COL20A1: variants seen among roughly 807,000 people sequenced by gnomAD.
COL20A1 encodes the protein collagen type XX alpha 1 chain.
A neutral mutation model predicts 152.9 loss-of-function variants in COL20A1; 164 were observed. The ratio of observed to expected loss-of-function variants is 1.07; its 90% confidence interval spans 0.94 to 1.22. The LOEUF (loss-of-function observed/expected upper bound fraction) is 1.22. COL20A1 is among the 50% of genes most tolerant of loss of function. The pLI, the probability that COL20A1 is intolerant of heterozygous loss-of-function variation, is 0.00. For missense variants in COL20A1, 1,873 were observed against 1,744.8 expected, an observed-to-expected ratio of 1.07 and a Z score of -1.31; for synonymous variants, 864 against 756.0, an observed-to-expected ratio of 1.14 and a Z score of -2.34.
In COL20A1 at chr20:63,331,194, C is replaced by T. The variant is rs6011744; in HGVS notation, c.*478C>T. Reference sequence around the variant, plus strand: ...TGGGCCCGCCTCTCTCTGCGCCTCACGCAGGCAACAGATGGTTCCACTGCT... The same window carrying T: ...TGGGCCCGCCTCTCTCTGCGCCTCATGCAGGCAACAGATGGTTCCACTGCT... On this transcript the variant is annotated 3_prime_UTR_variant, in exon 36 of 36. Transcript: ENST00000358894. 0.04 allele frequency: 6,166 copies of T among 152,448 alleles called. 439 individuals are homozygous for T. The highest frequency in any genetic ancestry group is 0.14 in the African/African-American group (5,793 of 41,560). The allele number at this position is 152,448 out of a possible 1,614,324, so 9.4% of individuals were successfully genotyped here.
rs757283276 is a variant in COL20A1, at chr20:63,314,161, A to G, written c.2448A>G (p.Ala816=). ...GGGTCCTGGTCTCAGCTATCTATGC[A>G]GCAGGCAGGAGTGAGGCTGTGTCTG... The part of the protein sequence containing the change: ...KYRVLVSAIY[A]AGRSEAVSAT... Residue 816 remains alanine (A), a synonymous_variant, in exon 19 of 36, where the codon GCA becomes GCG. Coordinates refer to ENST00000358894, the MANE Select transcript of COL20A1 (RefSeq NM_020882.4). 31 of 1,587,192 alleles carry G rather than the reference A, an allele frequency of 2.0e-5. No individual in the cohort carries two copies. The highest frequency in any genetic ancestry group is 7.2e-5 in the Admixed American group (4 of 55,614).
rs762755647 is a variant in COL20A1 at position 63,328,099 on chromosome 20, C to G, written c.3585C>G (p.Ala1195=). The change falls in exon 33 of 36, where the codon GCC becomes GCG. Residue 1195 remains alanine (A), a synonymous_variant. Coordinates refer to ENST00000358894, the MANE Select transcript of COL20A1 (RefSeq NM_020882.4). Reference sequence around the variant, plus strand: ...TCCAGGGCGAGCCGCAGTCCCTTGCCACCCTCTACCAGCTTGTGAGCCAGG... The same window carrying G: ...TCCAGGGCGAGCCGCAGTCCCTTGCGACCCTCTACCAGCTTGTGAGCCAGG... ...RGEKGEPQSL[A]TLYQLVSQAS... 1 of 1,613,376 alleles carries G rather than the reference C, an allele frequency of 6.2e-7. No individual in the cohort carries two copies. The highest frequency in any genetic ancestry group is 8.5e-7 in the Non-Finnish European group (1 of 1,179,844).
rs561996485 is a variant in COL20A1 at position 63,306,613 on chromosome 20, A to T, written c.496+574A>T. ...CAGCCGGCCCCAGGCGTGGAGAGGT[A>T]GAGCCACACCAGGACAGAAGAGAAG... is the stretch of plus-strand genomic sequence containing the variant. On this transcript the variant is annotated intron_variant, in intron 5 of 35. Coordinates refer to ENST00000358894, the MANE Select transcript of COL20A1 (RefSeq NM_020882.4). The surrounding 1 kb of genome is among the most constrained non-coding windows in gnomAD (Gnocchi z 6.9). 2.0e-5 allele frequency among the ~76,000 whole-genome samples: 3 copies of T among 150,806 alleles called. No individual in the cohort carries two copies. The South Asian group carries it at 6.2e-4, about 31-fold the overall frequency.
rs145279783 is a variant in COL20A1, at chr20:63,320,628, G to A, written c.3153+260G>A. Among the ~76,000 whole-genome samples the A allele has an allele frequency of 1.8e-3, 281 of 152,320 alleles. 3 individuals carry two copies. Among genetic ancestry groups the A allele is most frequent in the African/African-American group, 6.5e-3 (272 of 41,572 alleles). On this transcript the variant is annotated intron_variant, in intron 25 of 35. Coordinates refer to ENST00000358894, the MANE Select transcript of COL20A1 (RefSeq NM_020882.4). ...CCCACCTCTGTGGGCCCAGCCAGGTGCAGATGAGTCAGGAAGGGGCACGTG... is the reference window on the plus strand; with the variant it reads ...CCCACCTCTGTGGGCCCAGCCAGGTACAGATGAGTCAGGAAGGGGCACGTG...
chr20:63,317,165 CAGTTTA>C (rs984290448), intron 21 of COL20A1, among the ~76,000 whole-genome samples: 1 of 152,208 alleles, frequency 6.6e-6, no homozygotes, highest in Non-Finnish European at 1.5e-5. Flanking sequence ...AGCTGCATGA[CAGTTTA>C]AGTTAAAATG....
Position 63,304,558 on chromosome 20 carries a change from C to T in COL20A1, c.194-859C>T, listed in dbSNP as rs112669209. 7.5e-4 allele frequency among the ~76,000 whole-genome samples: 59 copies of T among 78,506 alleles called. 4 individuals are homozygous for T. Among genetic ancestry groups the T allele is most frequent in the Non-Finnish European group, 7.1e-4 (26 of 36,638 alleles). The allele number at this position is 78,506 out of a possible 152,430, so 51.5% of individuals were successfully genotyped here. The stretch of plus-strand genomic sequence containing the variant: ...CTCCCTCCAGGTGTGCAGGTGCTGG[C>T]TCCTCCCTCCCTTCCTCCCTCCAGG... On this transcript the variant is annotated intron_variant, in intron 3 of 35. Coordinates refer to ENST00000358894, the MANE Select transcript of COL20A1 (RefSeq NM_020882.4).
At position 63,313,196 on chromosome 20, in the gene COL20A1, C is replaced by T. The variant is rs377187630; in HGVS notation, c.2156C>T (p.Ala719Val). 6.2e-6 allele frequency: 10 copies of T among 1,612,476 alleles called. No individual in the cohort carries two copies. The highest frequency in any genetic ancestry group is 2.7e-5 in the African/African-American group (2 of 74,926). ...ACAGAGTACGACGTCACCATCTTGG[C>T]CTACTACAGGGACGGGGCCCGCAGT... ...RHTEYDVTIL[A>V]YYRDGARSDP... is the part of the protein sequence containing the mutation. The change falls in exon 17 of 36, where the codon GCC becomes GTC. Residue 719 changes from alanine to valine, a missense_variant. By Grantham distance (64) the Ala-to-Val change is moderately conservative (BLOSUM62 0). Coordinates refer to ENST00000358894, the MANE Select transcript of COL20A1 (RefSeq NM_020882.4). This position sits in a 1 kb window ranked among gnomAD's most constrained non-coding sequence, Gnocchi z 5.9.
At position 63,327,627 on chromosome 20, in the gene COL20A1, C is replaced by T. The variant is rs367860235; in HGVS notation, c.3529-325C>T. The T allele has an allele frequency of 1.4e-3, 524 of 368,724 alleles. 2 individuals carry two copies. Among genetic ancestry groups the T allele is most frequent in the African/African-American group, 9.8e-3 (480 of 48,744 alleles). 22.8% of individuals were successfully genotyped at this position (368,724 alleles called of 1,614,324 possible). A position where few individuals can be genotyped will look rare whatever the true frequency, so the allele number is the denominator to read the frequency against. ...ACAGGCCTGACCCGGGCCCGGGGCC[C>T]GGGAGGGGTCTGTTCTCTGGGCAGT... On this transcript the variant is annotated intron_variant, in intron 31 of 35. Transcript: ENST00000358894.
Position 63,312,561 on chromosome 20 carries a change from G to A in COL20A1, c.1933+12G>A. On this transcript the variant is annotated intron_variant, in intron 15 of 35. Coordinates refer to ENST00000358894, the MANE Select transcript of COL20A1 (RefSeq NM_020882.4). Reference sequence around the variant, plus strand: ...CCGGGTGACCACCAGTGAGTGGGGAGAGGCTGGGGCTGGGGGTCCAGCAGG... The same window carrying A: ...CCGGGTGACCACCAGTGAGTGGGGAAAGGCTGGGGCTGGGGGTCCAGCAGG... 1 of 1,562,066 alleles carries A rather than the reference G, an allele frequency of 6.4e-7. No individual in the cohort carries two copies.
In COL20A1 at chr20:63,319,921, G is replaced by T. The variant is rs1351822118; in HGVS notation, c.2917-118G>T. ...CCCCCGAAACCTGAGGTGAGGTCAGGTTCCTGACCCCAGGTCCCAGGGATG... is the reference window on the plus strand; with the variant it reads ...CCCCCGAAACCTGAGGTGAGGTCAGTTTCCTGACCCCAGGTCCCAGGGATG... On this transcript the variant is annotated intron_variant, in intron 23 of 35. Transcript: ENST00000358894. This position sits in a 1 kb window ranked among gnomAD's most constrained non-coding sequence, Gnocchi z 4.4. 3.9e-6 allele frequency: 4 copies of T among 1,029,984 alleles called. No homozygotes were observed. The South Asian group carries it at 6.5e-5, about 17-fold the overall frequency. 63.8% of individuals were successfully genotyped at this position (1,029,984 alleles called of 1,614,324 possible).
At position 63,308,653 on chromosome 20, in the gene COL20A1, T is replaced by G. The variant is rs1001366147; in HGVS notation, c.887T>G (p.Val296Gly). Residue 296 changes from valine to glycine, a missense_variant, in exon 8 of 36, where the codon GTG becomes GGG. Physicochemically the swap from Val to Gly is moderately radical, Grantham distance 109 (BLOSUM62 -3). Coordinates refer to ENST00000358894, the MANE Select transcript of COL20A1 (RefSeq NM_020882.4). ...LVTDGKSQDDVHTAARVLKDL... is the reference protein window; with the variant it reads ...LVTDGKSQDDGHTAARVLKDL... ...ACGGACGGCAAGTCCCAGGACGATG[T>G]GCACACTGCTGCCCGTGTCCTCAAG... 1 of 1,607,850 alleles carries G rather than the reference T, an allele frequency of 6.2e-7. No homozygotes were observed. The highest frequency in any genetic ancestry group is 8.5e-7 in the Non-Finnish European group (1 of 1,177,708).
In COL20A1 at chr20:63,313,801, C is replaced by T. The variant is rs763344894; in HGVS notation, c.2268C>T (p.Ser756=). Residue 756 remains serine (S), a synonymous_variant, in exon 18 of 36, where the codon AGC becomes AGT. Coordinates refer to ENST00000358894, the MANE Select transcript of COL20A1 (RefSeq NM_020882.4). This position sits in a 1 kb window ranked among gnomAD's most constrained non-coding sequence, Gnocchi z 5.9. ...NLALASETPD[S]LQVSWTPPLG... ...CCCTGGCCTCGGAGACCCCCGACAG[C>T]CTGCAGGTCAGCTGGACGCCCCCGC... 42 of 1,610,844 alleles carry T rather than the reference C, an allele frequency of 2.6e-5. No homozygotes were observed. Among genetic ancestry groups the T allele is most frequent in the Non-Finnish European group, 3.5e-5 (41 of 1,179,202 alleles).
Position 63,319,232 on chromosome 20 carries a change from C to A in COL20A1, c.2806+32C>A. On this transcript the variant is annotated intron_variant, in intron 22 of 35. Transcript: ENST00000358894. This position sits in a 1 kb window ranked among gnomAD's most constrained non-coding sequence, Gnocchi z 4.4. ...TGGGCCCCGCGTCGCCCCCAGCAGT[C>A]AGGAGGAGTAGGGGCAGGGAGGCCC... The A allele has an allele frequency of 1.2e-6, 2 of 1,603,046 alleles. No homozygotes were observed. The highest frequency in any genetic ancestry group is 1.7e-6 in the Non-Finnish European group (2 of 1,174,896).
At position 63,316,677 on chromosome 20, in the gene COL20A1, G is replaced by C; in HGVS notation, c.2649G>C (p.Leu883=). ...PTFTLFKDAQ[L]TRRVSDVYPA... ...TCACGCTCTTCAAGGACGCCCAGCT[G>C]ACAAGACGGGTCAGGTGTGAGGGCA... The change falls in exon 21 of 36, where the codon CTG becomes CTC. Residue 883 remains leucine (L), a synonymous_variant. Transcript: ENST00000358894. 6.4e-7 allele frequency: 1 copy of C among 1,567,270 alleles called. No homozygotes were observed.
intron 3 of COL20A1, among the ~76,000 whole-genome samples, chr20:63,301,244 G>A (rs930624413): frequency 1.1e-4 from 16 of 152,196 alleles, no homozygotes; most frequent in African/African-American, 3.9e-4. Flanking sequence ...GAACCTGGGA[G>A]GTGGAGGTTG....
chr20:63,324,243 G>A (rs1301058894), intron 27 of COL20A1: 1 of 152,130 alleles, frequency 6.6e-6, no homozygotes. Flanking sequence ...GATTTTCCAG[G>A]TTTACAGTGA....
intron 3 of COL20A1, among the ~76,000 whole-genome samples, chr20:63,298,752 C>G (rs1601402343): frequency 6.6e-6 from 1 of 152,208 alleles, no homozygotes; most frequent in Non-Finnish European, 1.5e-5. Context: ...TCAGGGAACC[C>G]TGTTCCTAGA....
chr20:63,297,926 G>T lies in COL20A1; in HGVS notation c.99G>T (p.Arg33Ser). The change falls in exon 3 of 36, where the codon AGG (arginine) becomes AGT (serine). Residue 33 changes from arginine (R) to serine (S), a missense_variant. Transcript: ENST00000358894. ...TTTCTGTAGCAAGCGGTCTCCTGAG[G>T]CTGGCTGTGCTGCCTGAGGACCGGC... The part of the protein sequence containing the change: ...REQVQASGLL[R>S]LAVLPEDRLQ... The T allele has an allele frequency of 6.2e-7, 1 of 1,613,358 alleles. No individual in the cohort carries two copies.
At position 63,313,334 on chromosome 20, in the gene COL20A1, G is replaced by A. The variant is rs1351440696; in HGVS notation, c.2209+85G>A. 3 of 1,433,750 alleles carry A rather than the reference G, an allele frequency of 2.1e-6. No individual in the cohort carries two copies. Among genetic ancestry groups the A allele is most frequent in the Admixed American group, 2.1e-5 (1 of 48,624 alleles). 88.8% of individuals were successfully genotyped at this position (1,433,750 alleles called of 1,614,324 possible). The stretch of plus-strand genomic sequence containing the variant: ...CTGACTCACCCGCTGCACAGGCCCA[G>A]GACCCTAGACTCCCAGAACTGCTGG... On this transcript the variant is annotated intron_variant, in intron 17 of 35. Coordinates refer to ENST00000358894, the MANE Select transcript of COL20A1 (RefSeq NM_020882.4). This position sits in a 1 kb window ranked among gnomAD's most constrained non-coding sequence, Gnocchi z 5.9.
Sources: allele counts gnomAD v4.1 joint callset (sites outside exome capture counted in the v4.1 genomes callset), GRCh38; gene constraint gnomAD v4.1.1; non-coding constraint Gnocchi (gnomAD v3.1); transcripts MANE v1.5; gene names NCBI Gene and HGNC (gene_info 2026-07-23, HGNC 2026-07-21).